The following CDH12 variants were observed in gnomAD, a reference collection of about 807,000 sequenced individuals.
The protein encoded by CDH12 is cadherin-12.
Under a neutral mutation model 74.1 loss-of-function variants are expected in CDH12, and 41 were observed. The observed-to-expected ratio is 0.55, with a 90% CI of 0.43 to 0.72. The LOEUF is 0.72. Among genes scored for constraint, CDH12 ranks in the 30% least tolerant of loss-of-function variants. The pLI is 0.00. For synonymous variants in CDH12, 399 were observed against 355.0 expected (o/e 1.12, Z -1.39); for missense variants, 945 against 977.2 (o/e 0.97, Z 0.44).
intron 1 of CDH12, among the ~76,000 whole-genome samples, chr5:22,664,205 CAG>C (rs1459144480): frequency 6.6e-6 from 1 of 152,104 alleles, no homozygotes; most frequent in Non-Finnish European, 1.5e-5. Context: ...TTATTAATAA[CAG>C]AGATAGCAAT....
At chr5:21,827,779 A>G (rs554886039) in intron 8 of CDH12, among the ~76,000 whole-genome samples, 95 of 152,310 alleles carry the variant, frequency 6.2e-4, no homozygotes, top group African/African-American at 2.1e-3. Context: ...TATTTTTAAC[A>G]TAAGTGATTT....
intron 4 of CDH12, among the ~76,000 whole-genome samples, chr5:22,117,773 T>C (rs1470425811): frequency 6.6e-6 from 1 of 151,164 alleles, no homozygotes; most frequent in Non-Finnish European, 1.5e-5. Flanking sequence ...CTTATATGGG[T>C]GTATCTGTAA....
chr5:21,809,307 C>T (rs1357618579), intron 9 of CDH12, among the ~76,000 whole-genome samples: 3 of 151,992 alleles, frequency 2.0e-5, no homozygotes, highest in African/African-American at 7.2e-5. Flanking sequence ...TTGCAAGAAA[C>T]TCTAGTGCTT....
chr5:21,880,467 T>TTTCCTTCCTTCCTTCCTTCCTTCC lies in CDH12; in HGVS notation c.527-25701_527-25678dup, dbSNP rs1207307885. On this transcript the variant is annotated intron_variant, in intron 6 of 14. Transcript: ENST00000382254. ...CCTTCTTTCCTTCCTTCCTTCCTTC[T>TTTCCTTCCTTCCTTCCTTCCTTCC]TTCCTTCCTTCCTTCCTTCCTTCCT... Among the ~76,000 whole-genome samples, 42 of 84,880 alleles carry TTTCCTTCCTTCCTTCCTTCCTTCC rather than the reference T, an allele frequency of 4.9e-4. 2 individuals carry two copies. Among genetic ancestry groups the TTTCCTTCCTTCCTTCCTTCCTTCC allele is most frequent in the African/African-American group, 1.5e-3 (32 of 21,904 alleles). The allele number at this position is 84,880 out of a possible 152,430, so 55.7% of individuals were successfully genotyped here.
chr5:22,827,246 C>T (rs1020142541), intron 1 of CDH12, among the ~76,000 whole-genome samples: 11 of 152,118 alleles, frequency 7.2e-5, no homozygotes, highest in Admixed American at 3.9e-4. Flanking sequence ...GTTGAGCCTG[C>T]GAGTACACAG....
chr5:22,553,749 G>A (rs1001512769), intron 1 of CDH12, among the ~76,000 whole-genome samples: 3 of 152,242 alleles, frequency 2.0e-5, no homozygotes, highest in Admixed American at 1.3e-4. Context: ...CCAGGGACCA[G>A]TTTCACGGAA....
chr5:22,466,754 T>C (rs1181977987), intron 2 of CDH12, among the ~76,000 whole-genome samples: 4 of 144,244 alleles, frequency 2.8e-5, no homozygotes, highest in Non-Finnish European at 6.0e-5. Flanking sequence ...GTGGGAAAAA[T>C]GAGGCATGGC....
intron 6 of CDH12, among the ~76,000 whole-genome samples, chr5:21,893,920 AG>A (rs1323071660): frequency 6.6e-6 from 1 of 152,218 alleles, no homozygotes; most frequent in Non-Finnish European, 1.5e-5. Context: ...TTTACATCAC[AG>A]AAAAGGTATT....
chr5:21,808,459 T>C (rs984602792), intron 9 of CDH12, among the ~76,000 whole-genome samples: 3 of 151,852 alleles, frequency 2.0e-5, no homozygotes, highest in Non-Finnish European at 2.9e-5. Flanking sequence ...AATTATCTAG[T>C]AGGTCTTAAT....
At chr5:22,763,991 GA>G (rs1746364047) in intron 1 of CDH12, among the ~76,000 whole-genome samples, 1 of 151,770 alleles carries the variant, frequency 6.6e-6, no homozygotes. Flanking sequence ...CAAAATTGTG[GA>G]ATACATTTTT....
intron 1 of CDH12, among the ~76,000 whole-genome samples, chr5:22,752,302 A>G (rs1482863421): frequency 6.6e-6 from 1 of 151,968 alleles, no homozygotes; most frequent in African/African-American, 2.4e-5. Context: ...ATGTACATGT[A>G]TTATATTAAT....
chr5:22,509,189 T>C (rs1467537096), intron 1 of CDH12, among the ~76,000 whole-genome samples: 1 of 152,150 alleles, frequency 6.6e-6, no homozygotes, highest in Non-Finnish European at 1.5e-5. Flanking sequence ...CTTAGAGAGA[T>C]GGATAGATGT....
At chr5:22,008,085 T>C (rs1737070178) in intron 5 of CDH12, among the ~76,000 whole-genome samples, 1 of 151,854 alleles carries the variant, frequency 6.6e-6, no homozygotes, top group Non-Finnish European at 1.5e-5. Context: ...TCCTCGCTGC[T>C]GTTATTTTTG....
At chr5:22,796,514 C>CTTTTTTT (rs70959756) in intron 1 of CDH12, among the ~76,000 whole-genome samples, 1 of 59,754 alleles carries the variant, frequency 1.7e-5, no homozygotes, top group African/African-American at 8.4e-5. Context: ...GATTTTTTAT[C>CTTTTTTT]TTTTTTTTTT....
intron 4 of CDH12, among the ~76,000 whole-genome samples, chr5:22,189,763 A>G (rs1381264030): frequency 6.6e-6 from 1 of 151,972 alleles, no homozygotes; most frequent in East Asian, 1.9e-4. Flanking sequence ...ATTTTTAATC[A>G]TAGTGCTCAA....
At chr5:22,593,710 G>T (rs534376811) in intron 1 of CDH12, among the ~76,000 whole-genome samples, 1 of 152,284 alleles carries the variant, frequency 6.6e-6, no homozygotes, top group Admixed American at 6.5e-5. Flanking sequence ...AGGACCAAAT[G>T]ACTGAAAACT....
chr5:21,799,215 G>C (rs1746975521), intron 10 of CDH12, among the ~76,000 whole-genome samples: 1 of 152,136 alleles, frequency 6.6e-6, no homozygotes, highest in Admixed American at 6.6e-5. Context: ...TCATGGTCTA[G>C]TATTTTGTGG....
chr5:22,783,771 T>C (rs1747493493), intron 1 of CDH12, among the ~76,000 whole-genome samples: 1 of 152,126 alleles, frequency 6.6e-6, no homozygotes. Flanking sequence ...TGAAATAATA[T>C]GAAGCAAATG....
intron 1 of CDH12, among the ~76,000 whole-genome samples, chr5:22,797,077 CA>C (rs5866592): frequency 0.05 from 7,515 of 149,918 alleles, 314 homozygotes; most frequent in East Asian, 0.18. Flanking sequence ...GTGTCACGCT[CA>C]AATTCCTATG....
Sources: allele counts gnomAD v4.1 joint callset (sites outside exome capture counted in the v4.1 genomes callset), GRCh38; gene constraint gnomAD v4.1.1; transcripts MANE v1.5; gene names NCBI Gene and HGNC (gene_info 2026-07-23, HGNC 2026-07-21).